PARP8: variants seen among roughly 807,000 people sequenced by gnomAD.
PARP8 encodes protein mono-ADP-ribosyltransferase PARP8.
Under a neutral mutation model 124.1 loss-of-function variants are expected in PARP8, and 51 were observed. That is an observed-to-expected ratio of 0.41 (90% CI 0.33 to 0.52). PARP8 has a LOEUF of 0.52. Ranked by LOEUF, PARP8 falls within the 20% of genes least tolerant of loss-of-function variation. The pLI, the probability that PARP8 is intolerant of heterozygous loss-of-function variation, is 0.21. For synonymous variants in PARP8, 391 were observed against 361.5 expected, an observed-to-expected ratio of 1.08 and a Z score of -0.93; for missense variants, 860 against 1,018.9, an observed-to-expected ratio of 0.84 and a Z score of 2.12.
intron 2 of PARP8, among the ~76,000 whole-genome samples, chr5:50,709,567 A>T (rs1037176332): frequency 1.3e-5 from 2 of 151,802 alleles, no homozygotes; most frequent in African/African-American, 4.8e-5. Flanking sequence ...TTCACATTTA[A>T]GAGTAAGGTA....
chr5:50,698,672 T>G (rs1422425931), intron 2 of PARP8, among the ~76,000 whole-genome samples: 1 of 152,170 alleles, frequency 6.6e-6, no homozygotes. Context: ...GATGAGATAG[T>G]ACCTTTATCC....
chr5:50,790,560 A>C (rs1741836349), intron 10 of PARP8, among the ~76,000 whole-genome samples: 1 of 151,984 alleles, frequency 6.6e-6, no homozygotes, highest in African/African-American at 2.4e-5. Flanking sequence ...ACAAACTTTT[A>C]TTTTTAAGTG....
At chr5:50,673,581 A>G (rs939213294) in intron 2 of PARP8, among the ~76,000 whole-genome samples, 2 of 152,208 alleles carry the variant, frequency 1.3e-5, no homozygotes, top group Non-Finnish European at 2.9e-5. Flanking sequence ...GCCATAGGAT[A>G]CATTTCAGTG....
At chr5:50,826,191 CTTA>C (rs1310320097) in intron 18 of PARP8, among the ~76,000 whole-genome samples, 2 of 151,924 alleles carry the variant, frequency 1.3e-5, no homozygotes, top group African/African-American at 4.8e-5. Context: ...TCTACCAAAA[CTTA>C]TTATTTTGTG....
At chr5:50,672,399 T>C (rs1331939611) in intron 2 of PARP8, among the ~76,000 whole-genome samples, 1 of 152,190 alleles carries the variant, frequency 6.6e-6, no homozygotes, top group African/African-American at 2.4e-5. Flanking sequence ...CTAAAAGACC[T>C]GGCAGACAAG....
At chr5:50,697,485 A>T (rs1366385803) in intron 2 of PARP8, among the ~76,000 whole-genome samples, 1 of 152,216 alleles carries the variant, frequency 6.6e-6, no homozygotes, top group East Asian at 1.9e-4. Flanking sequence ...AAAGAATCCA[A>T]ATTATATTTA....
intron 2 of PARP8, among the ~76,000 whole-genome samples, chr5:50,686,150 C>T (rs1751835534): frequency 6.6e-6 from 1 of 152,204 alleles, no homozygotes; most frequent in South Asian, 2.1e-4. Context: ...AAATCAAAAG[C>T]AAGTTAGTTA....
intron 7 of PARP8, among the ~76,000 whole-genome samples, chr5:50,775,551 GAA>G (rs1739912193): frequency 1.3e-5 from 2 of 152,174 alleles, no homozygotes; most frequent in Non-Finnish European, 2.9e-5. Context: ...GGAAACCGTG[GAA>G]AGAGAGAGAA....
chr5:50,809,098 A>G (rs989796084), intron 14 of PARP8, among the ~76,000 whole-genome samples: 11 of 152,010 alleles, frequency 7.2e-5, no homozygotes, highest in African/African-American at 2.7e-4. Context: ...AGACAAATAG[A>G]GACTACTGCA....
chr5:50,823,850 C>T (rs893994811), intron 17 of PARP8, among the ~76,000 whole-genome samples: 6 of 152,210 alleles, frequency 3.9e-5, no homozygotes, highest in African/African-American at 1.2e-4. Flanking sequence ...ATAACTGGCT[C>T]ATCAATGAAT....
chr5:50,756,484 A>G (rs1759972131), intron 3 of PARP8, among the ~76,000 whole-genome samples: 1 of 152,172 alleles, frequency 6.6e-6, no homozygotes, highest in Non-Finnish European at 1.5e-5. Flanking sequence ...AGCAAGAACA[A>G]AAAGCCAACA....
chr5:50,811,184 C>T (rs78661143), intron 14 of PARP8, among the ~76,000 whole-genome samples: 9 of 151,990 alleles, frequency 5.9e-5, no homozygotes, highest in African/African-American at 2.2e-4. Context: ...GTAATCAAAT[C>T]ATAGCTTCAT....
intron 7 of PARP8, among the ~76,000 whole-genome samples, chr5:50,771,864 G>A (rs1360755187): frequency 6.6e-6 from 1 of 152,184 alleles, no homozygotes; most frequent in Non-Finnish European, 1.5e-5. Context: ...TTTGTGGTGA[G>A]AACATCAAGA....
At chr5:50,829,159 T>TCCGCCTCC (rs1746671040) in intron 21 of PARP8, among the ~76,000 whole-genome samples, 1 of 152,180 alleles carries the variant, frequency 6.6e-6, no homozygotes, top group African/African-American at 2.4e-5. Context: ...TACTTGGTGT[T>TCCGCCTCC]AGCAGGATAT....
At chr5:50,737,343 A>G (rs1411678618) in intron 2 of PARP8, among the ~76,000 whole-genome samples, 3 of 152,218 alleles carry the variant, frequency 2.0e-5, no homozygotes, top group African/African-American at 7.2e-5. Context: ...ATCCAATGAC[A>G]TTCTGGTAAT....
At chr5:50,751,065 C>G (rs1355817880) in intron 3 of PARP8, among the ~76,000 whole-genome samples, 2 of 149,722 alleles carry the variant, frequency 1.3e-5, no homozygotes, top group Non-Finnish European at 3.0e-5. Context: ...TCATCTGAGT[C>G]AGATCATAGA....
chr5:50,786,408 A>C (rs2149628423), intron 9 of PARP8, among the ~76,000 whole-genome samples: 1 of 148,734 alleles, frequency 6.7e-6, no homozygotes, highest in South Asian at 2.1e-4. Context: ...TCTGTTTCCC[A>C]GGCTGTAGTA....
intron 7 of PARP8, among the ~76,000 whole-genome samples, chr5:50,765,636 A>G (rs1760984541): frequency 6.6e-6 from 1 of 152,220 alleles, no homozygotes; most frequent in Non-Finnish European, 1.5e-5. Flanking sequence ...AATGTAAGCC[A>G]TGTTCCTGCC....
intron 2 of PARP8, among the ~76,000 whole-genome samples, chr5:50,726,774 A>G (rs1429911923): frequency 6.6e-6 from 1 of 152,134 alleles, no homozygotes; most frequent in African/African-American, 2.4e-5. Flanking sequence ...GGGCCTGTCA[A>G]CTGTGGATCA....
Sources: gnomAD v4.1 joint callset for allele counts (sites outside exome capture counted in the v4.1 genomes callset) on GRCh38, gnomAD v4.1.1 for gene constraint, MANE v1.5 for transcripts, NCBI Gene and HGNC (gene_info 2026-07-23, HGNC 2026-07-21) for gene names.